Variants in MAPK8IP3 observed in about 807,000 individuals in gnomAD.
MAPK8IP3 encodes mitogen-activated protein kinase 8 interacting protein 3, also known as C-Jun-amino-terminal kinase-interacting protein 3.
In MAPK8IP3, 49 loss-of-function variants were observed where a neutral mutation model predicts 157.8. The ratio of observed to expected loss-of-function variants is 0.31; its 90% CI spans 0.25 to 0.39. The LOEUF (loss-of-function observed/expected upper bound fraction) is 0.39, where lower values mean the gene tolerates loss of function less well. Ranked by LOEUF, MAPK8IP3 falls within the 10% of genes least tolerant of loss-of-function variation. The pLI, the probability that MAPK8IP3 is intolerant of heterozygous loss-of-function variation, is 1.00. For missense variants in MAPK8IP3, 1,478 were observed against 1,889.4 expected, an observed-to-expected ratio of 0.78 and a Z score of 4.04; for synonymous variants, 897 against 777.7, an observed-to-expected ratio of 1.15 and a Z score of -2.55.
intron 4 of MAPK8IP3, among the ~76,000 whole-genome samples, 188 bp downstream of exon 4, chr16:1,729,766 C>G (rs962865648): frequency 1.3e-5 from 2 of 152,062 alleles, no homozygotes; most frequent in Admixed American, 6.6e-5. Flanking sequence ...TGTGGGGGGG[C>G]GGCCCTGGGC....
At position 1,768,633 on chromosome 16, in the gene MAPK8IP3, G is replaced by T. The variant is rs146699789; in HGVS notation, c.3892+7G>T. The T allele has an allele frequency of 6.5e-5, 104 of 1,607,366 alleles. No individual in the cohort carries two copies. In the African/African-American group the frequency reaches 1.3e-3, roughly 19 times the overall value. On this transcript the variant is annotated splice_region_variant and intron_variant, in intron 31 of 31. Transcript: ENST00000610761. The stretch of plus-strand genomic sequence containing the variant: ...TACATCGACTTCCGCATTGGTGAGC[G>T]GGGCCCAGGGACAGGGCTGAGGTTG...
intron 4 of MAPK8IP3, 61 bp downstream of exon 4, chr16:1,729,639 C>A: frequency 1.4e-6 from 2 of 1,455,718 alleles, no homozygotes; most frequent in Non-Finnish European, 1.9e-6. Context: ...GTACGCAGGA[C>A]GCGGCACATG....
At chr16:1,726,820 G>A (rs967071948) in intron 2 of MAPK8IP3, among the ~76,000 whole-genome samples, 1 of 152,254 alleles carries the variant, frequency 6.6e-6, no homozygotes, top group African/African-American at 2.4e-5. Context: ...AGGCTGTGGG[G>A]CTCTGACCTC....
intron 4 of MAPK8IP3, 132 bp downstream of exon 4, chr16:1,729,710 G>T (rs902535032): frequency 2.4e-6 from 2 of 847,874 alleles, no homozygotes; most frequent in Non-Finnish European, 3.8e-6. Context: ...GGAACACTCT[G>T]GAGACCCAGG....
At chr16:1,764,541 CACAGG>C in intron 19 of MAPK8IP3, 82 bp downstream of exon 19, 1 of 1,523,318 alleles carries the variant, frequency 6.6e-7, no homozygotes, top group Non-Finnish European at 8.8e-7. Context: ...GGGAGTGAGA[CACAGG>C]ACAGCTGGGG....
chr16:1,706,304 G>C lies in MAPK8IP3; in HGVS notation c.-36G>C. 2.0e-6 allele frequency: 3 copies of C among 1,511,452 alleles called. No homozygotes were observed. The highest frequency in any genetic ancestry group is 2.7e-6 in the Non-Finnish European group (3 of 1,130,666). The allele number at this position is 1,511,452 out of a possible 1,614,324, so 93.6% of individuals were successfully genotyped here. A position where few individuals can be genotyped will look rare whatever the true frequency, so the allele number is the denominator to read the frequency against. On this transcript the variant is annotated 5_prime_UTR_variant, in exon 1 of 32. Transcript: ENST00000610761. This position sits in a 1 kb window ranked among gnomAD's most constrained non-coding sequence, Gnocchi z 5.1. Reference sequence around the variant, plus strand: ...CTGGGGAGGGCCGGGCGCGCCGGCCGGATAGCGAGCCGCGCTGGCGGCGGC... The same window carrying C: ...CTGGGGAGGGCCGGGCGCGCCGGCCCGATAGCGAGCCGCGCTGGCGGCGGC...
rs1016611564 is a variant in MAPK8IP3 at position 1,768,918 on chromosome 16, C to T, written c.*94C>T. The T allele has an allele frequency of 5.7e-6, 8 of 1,394,852 alleles. No homozygotes were observed. Among genetic ancestry groups the T allele is most frequent in the African/African-American group, 1.4e-5 (1 of 70,502 alleles). The allele number at this position is 1,394,852 out of a possible 1,614,324, so 86.4% of individuals were successfully genotyped here. On this transcript the variant is annotated 3_prime_UTR_variant, in exon 32 of 32. Coordinates refer to ENST00000610761, the MANE Select transcript of MAPK8IP3 (RefSeq NM_001318852.2). Reference sequence around the variant, plus strand: ...GGGTAGCCAGCCAGGCGCCGCCGCCCCTCTTCTAACCTCTCAACCTGCAGC... The same window carrying T: ...GGGTAGCCAGCCAGGCGCCGCCGCCTCTCTTCTAACCTCTCAACCTGCAGC...
intron 1 of MAPK8IP3, among the ~76,000 whole-genome samples, chr16:1,722,976 C>T (rs2038629846): frequency 6.6e-6 from 1 of 151,814 alleles, no homozygotes; most frequent in Non-Finnish European, 1.5e-5. Flanking sequence ...GCTGAGATTA[C>T]AGGCGTGAGC....
chr16:1,761,100 G>A, intron 12 of MAPK8IP3, 124 bp from the exon 13 acceptor site: 2 of 761,062 alleles, frequency 2.6e-6, no homozygotes, highest in Admixed American at 3.8e-5. Context: ...AGGGGTCCCT[G>A]TGGGGAGAGC....
Position 1,741,256 on chromosome 16 carries a change from G to A in MAPK8IP3, c.603-2076G>A, listed in dbSNP as rs529147820. Among the ~76,000 whole-genome samples, 1 of 152,190 alleles carries A rather than the reference G, an allele frequency of 6.6e-6. No individual in the cohort carries two copies. Among genetic ancestry groups the A allele is most frequent in the South Asian group, 2.1e-4 (1 of 4,830 alleles). ...AGCATCTGCATCCCCTGAGGGAGCT[G>A]CGAGGACAAATCGGGAGGACGGGGT... On this transcript the variant is annotated intron_variant, in intron 4 of 31. Transcript: ENST00000610761. This position sits in a 1 kb window ranked among gnomAD's most constrained non-coding sequence, Gnocchi z 6.9.
At chr16:1,731,813 C>T (rs1378575898) in intron 4 of MAPK8IP3, among the ~76,000 whole-genome samples, 1 of 152,170 alleles carries the variant, frequency 6.6e-6, no homozygotes, top group Admixed American at 6.5e-5. Context: ...ACATATTTTT[C>T]CCCTAGGGGC....
chr16:1,762,443 G>A lies in MAPK8IP3; in HGVS notation c.1632G>A (p.Met544Ile). 6.2e-7 allele frequency: 1 copy of A among 1,609,978 alleles called. No individual in the cohort carries two copies. The part of the protein sequence containing the change: ...MERNQYKERL[M>I]ELQEAVRWTE... ...GGAACCAGTACAAGGAGCGGCTGAT[G>A]GAGCTGCAGGAGGCTGTGCGGTGGA... is the stretch of plus-strand genomic sequence containing the variant. The change falls in exon 14 of 32, where the codon ATG becomes ATA. Residue 544 changes from methionine (M) to isoleucine (I), a missense_variant. Met to Ile is a conservative substitution (Grantham distance 10, BLOSUM62 1). Around this residue, in one of 11 missense-constraint regions of MAPK8IP3, gnomAD observed 11 missense variants for 47.3 expected, o/e 0.23. Coordinates refer to ENST00000610761, the MANE Select transcript of MAPK8IP3 (RefSeq NM_001318852.2).
intron 1 of MAPK8IP3, among the ~76,000 whole-genome samples, chr16:1,717,235 CA>C (rs1169533483): frequency 1.8e-3 from 110 of 60,440 alleles, no homozygotes; most frequent in Middle Eastern, 7.7e-3. Context: ...AACTCCATCT[CA>C]AAAAAAAAAA....
rs1019089898 is a variant in MAPK8IP3 at position 1,762,206 on chromosome 16, C to T, written c.1540-145C>T. On this transcript the variant is annotated intron_variant, in intron 13 of 31. Coordinates refer to ENST00000610761, the MANE Select transcript of MAPK8IP3 (RefSeq NM_001318852.2). ...TTGTATGGTTCCCCTCCCCGCTTGC[C>T]GACACCCCTCCACACCGCTTCTTGC... 21 of 1,113,386 alleles carry T rather than the reference C, an allele frequency of 1.9e-5. No homozygotes were observed. The East Asian group carries it at 4.5e-4, about 24-fold the overall frequency. 69.0% of individuals were successfully genotyped at this position (1,113,386 alleles called of 1,614,324 possible).
intron 5 of MAPK8IP3, 161 bp from the exon 6 acceptor site, chr16:1,746,868 A>G: frequency 1.2e-6 from 1 of 850,662 alleles, no homozygotes. Flanking sequence ...TGAGGCCCGG[A>G]AGGGTTAGCC....
intron 4 of MAPK8IP3, among the ~76,000 whole-genome samples, chr16:1,736,396 G>A (rs572744300): frequency 2.5e-5 from 2 of 78,636 alleles, no homozygotes; most frequent in Admixed American, 1.9e-4. Context: ...GAGCGTGACC[G>A]TCCGTGTGTG....
chr16:1,755,721 C>T (rs1015500452), intron 8 of MAPK8IP3, among the ~76,000 whole-genome samples: 1 of 151,906 alleles, frequency 6.6e-6, no homozygotes, highest in African/African-American at 2.4e-5. Context: ...GTGACACATG[C>T]CTGTAATCCC....
At chr16:1,738,681 C>T (rs1240815801) in intron 4 of MAPK8IP3, among the ~76,000 whole-genome samples, 7 of 112,976 alleles carry the variant, frequency 6.2e-5, no homozygotes, top group Admixed American at 5.2e-4. Flanking sequence ...CATGTGTGAC[C>T]GTCCGTGTAG....
At chr16:1,730,575 G>T (rs778277090) in intron 4 of MAPK8IP3, among the ~76,000 whole-genome samples, 2 of 151,716 alleles carry the variant, frequency 1.3e-5, no homozygotes, top group African/African-American at 2.4e-5. Flanking sequence ...CCATCTCTAC[G>T]AAACACTCCT....
Sources: gnomAD v4.1 joint callset for allele counts (sites outside exome capture counted in the v4.1 genomes callset) on GRCh38, gnomAD v4.1.1 for gene constraint, gnomAD v4.1.1 regional missense constraint, Gnocchi (gnomAD v3.1) non-coding constraint, MANE v1.5 for transcripts, NCBI Gene and HGNC (gene_info 2026-07-23, HGNC 2026-07-21) for gene names.